Variants in ZNF138 observed in about 807,000 individuals in gnomAD.
ZNF138 encodes the protein zinc finger protein 138, also known as zinc finger protein 138 (clone pHZ-32).
A neutral mutation model predicts 33.0 loss-of-function variants in ZNF138; 33 were observed. The observed-to-expected ratio is 1.00, with a 90% CI of 0.76 to 1.34. The LOEUF is 1.34. Ranked by LOEUF, ZNF138 falls within the 40% of genes most tolerant of loss-of-function variation. The pLI is 0.00. For missense variants in ZNF138, 360 were observed against 370.8 expected, an observed-to-expected ratio of 0.97 and a Z score of 0.24; for synonymous variants, 139 against 120.4, an observed-to-expected ratio of 1.15 and a Z score of -1.01.
the ZNF138 span, among the ~76,000 whole-genome samples, chr7:64,839,794 TC>T: frequency 6.6e-6 from 1 of 151,914 alleles, no homozygotes; most frequent in Admixed American, 6.6e-5. Context: ...AGGTGTCCCC[TC>T]CCGTGTTTCG....
the ZNF138 span, among the ~76,000 whole-genome samples, chr7:64,854,170 ACTT>A: frequency 0.016 from 2,479 of 152,320 alleles, 38 homozygotes; most frequent in South Asian, 0.077. Context: ...AAGCCAGAAA[ACTT>A]AATATTTTTA....
At chr7:64,822,182 G>C (rs1562914846) in intron 3 of ZNF138, among the ~76,000 whole-genome samples, 2 of 151,432 alleles carry the variant, frequency 1.3e-5, no homozygotes, top group Non-Finnish European at 2.9e-5. Context: ...GCCTCCCAAA[G>C]TGCTGGGATT....
the ZNF138 span, among the ~76,000 whole-genome samples, chr7:64,842,268 TG>T: frequency 3.3e-5 from 5 of 151,540 alleles, no homozygotes; most frequent in Admixed American, 3.3e-4. Context: ...TTCACCATGT[TG>T]GCCAGGCTGG....
intron 3 of ZNF138, among the ~76,000 whole-genome samples, chr7:64,816,222 T>C (rs988617054): frequency 6.6e-6 from 1 of 152,158 alleles, no homozygotes; most frequent in African/African-American, 2.4e-5. Flanking sequence ...AATTGTATTT[T>C]TTATTACTGT....
At chr7:64,823,322 A>G (rs1397231827) in intron 3 of ZNF138, among the ~76,000 whole-genome samples, 2 of 151,916 alleles carry the variant, frequency 1.3e-5, no homozygotes, top group Non-Finnish European at 2.9e-5. Flanking sequence ...ACAGTGTATG[A>G]TTTTGGTTTT....
chr7:64,840,109 G>T, the ZNF138 span, among the ~76,000 whole-genome samples: 1 of 152,088 alleles, frequency 6.6e-6, no homozygotes, highest in African/African-American at 2.4e-5. Flanking sequence ...CTGAGTCGGG[G>T]TATCTGAGGT....
At chr7:64,811,853 C>T (rs73362587) in intron 1 of ZNF138, among the ~76,000 whole-genome samples, 2,855 of 152,258 alleles carry the variant, frequency 0.019, 89 homozygotes, top group African/African-American at 0.065. Context: ...TTTAAAACTC[C>T]CATTCATGAA....
chr7:64,847,383 T>C, the ZNF138 span, among the ~76,000 whole-genome samples: 4 of 148,556 alleles, frequency 2.7e-5, no homozygotes, highest in African/African-American at 9.9e-5. Context: ...TGTAAGTAAC[T>C]GTTAAGCCCG....
At chr7:64,795,236 C>CA (rs548880812) in intron 1 of ZNF138, among the ~76,000 whole-genome samples, 1,672 of 152,150 alleles carry the variant, frequency 0.011, 17 homozygotes, top group Middle Eastern at 0.02. Context: ...TAGTAATTTA[C>CA]AAAAAAATGC....
At chr7:64,825,154 CTTTTTTTTTTTTTTTTTTTT>C (rs71061316) in intron 3 of ZNF138, among the ~76,000 whole-genome samples, 4 of 46,020 alleles carry the variant, frequency 8.7e-5, no homozygotes, top group African/African-American at 2.9e-4. Context: ...GTTGTATGCT[CTTTTTTTTTTTTTTTTTTTT>C]TTTTTTTTTT....
downstream of ZNF138, among the ~76,000 whole-genome samples, chr7:64,834,850 T>C (rs1278031473): frequency 6.6e-6 from 1 of 152,224 alleles, no homozygotes; most frequent in African/African-American, 2.4e-5. Flanking sequence ...AATTAGTATA[T>C]AATTTTACTA....
chr7:64,805,558 G>T (rs1397530683), intron 1 of ZNF138, among the ~76,000 whole-genome samples: 5 of 152,218 alleles, frequency 3.3e-5, no homozygotes, highest in African/African-American at 7.2e-5. Flanking sequence ...TGGGATTCAT[G>T]TAAGATGTAA....
rs771260122 is a variant in ZNF138, at chr7:64,794,552, C to T, written c.-17C>T. ...AGATTCACAGCTAAGACGCCAGGAT[C>T]CCCCGGAAGCCTAGAAATGGTGAGA... On this transcript the variant is annotated 5_prime_UTR_variant, in exon 1 of 4. Coordinates refer to ENST00000307355, the MANE Select transcript of ZNF138 (RefSeq NM_001271639.2). 3.1e-6 allele frequency: 5 copies of T among 1,612,788 alleles called. No homozygotes were observed. The East Asian group carries it at 6.7e-5, about 22-fold the overall frequency.
chr7:64,823,572 T>G (rs1461465224), intron 3 of ZNF138, among the ~76,000 whole-genome samples: 3 of 152,198 alleles, frequency 2.0e-5, no homozygotes, highest in Non-Finnish European at 4.4e-5. Flanking sequence ...CTGGCTTCAA[T>G]GATCCTCCCA....
the ZNF138 span, chr7:64,853,199 A>G: frequency 2.3e-3 from 3,759 of 1,599,616 alleles, 78 homozygotes; most frequent in African/African-American, 0.046. Flanking sequence ...GAAACTGCTC[A>G]TCTTCTTGGA....
intron 2 of ZNF138, 106 bp from the exon 3 acceptor site, chr7:64,815,470 T>G: frequency 2.3e-6 from 2 of 877,650 alleles, no homozygotes; most frequent in Non-Finnish European, 3.4e-6. Context: ...GAATATTCTA[T>G]TACATTCTCT....
chr7:64,803,086 T>G (rs1201103899), intron 1 of ZNF138, among the ~76,000 whole-genome samples: 1 of 152,198 alleles, frequency 6.6e-6, no homozygotes, highest in East Asian at 1.9e-4. Context: ...GGGAGGATAT[T>G]TTGTTAATTT....
the ZNF138 span, among the ~76,000 whole-genome samples, chr7:64,840,737 A>C: frequency 6.7e-6 from 1 of 149,864 alleles, no homozygotes; most frequent in Non-Finnish European, 1.5e-5. Context: ...AAAATTTGTT[A>C]TGTATTTTTC....
At chr7:64,857,854 T>C in the ZNF138 span, among the ~76,000 whole-genome samples, 1 of 152,182 alleles carries the variant, frequency 6.6e-6, no homozygotes, top group African/African-American at 2.4e-5. Context: ...CCCACTGATA[T>C]AAAGTGGAGA....
Sources: allele counts gnomAD v4.1 joint callset (sites outside exome capture counted in the v4.1 genomes callset), GRCh38; gene constraint gnomAD v4.1.1; transcripts MANE v1.5; gene names NCBI Gene and HGNC (gene_info 2026-07-23, HGNC 2026-07-21).